Variants in SLCO4C1 observed in about 807,000 individuals in gnomAD.
SLCO4C1 encodes the protein organic anion transporter M1.
In SLCO4C1, 58 loss-of-function variants were observed where a neutral mutation model predicts 72.1. That is an observed-to-expected ratio of 0.80 (90% CI 0.65 to 1.00). The LOEUF is 1.00. Among genes scored for constraint, SLCO4C1 ranks in the 50% least tolerant of loss-of-function variants. SLCO4C1 has a pLI of 0.00. For missense variants in SLCO4C1, 898 were observed against 857.9 expected (o/e 1.05, Z -0.58); for synonymous variants, 297 against 312.5 (o/e 0.95, Z 0.52).
Position 102,291,372 on chromosome 5 carries a change from C to T in SLCO4C1, c.590G>A (p.Gly197Glu). The T allele has an allele frequency of 6.2e-7, 1 of 1,613,876 alleles. No homozygotes were observed. Among genetic ancestry groups the T allele is most frequent in the Non-Finnish European group, 8.5e-7 (1 of 1,179,958 alleles). The change falls in exon 2 of 13, where the codon GGA (glycine) becomes GAA (glutamate). Residue 197 changes from glycine to glutamate, a missense_variant. Coordinates refer to ENST00000310954, the MANE Select transcript of SLCO4C1 (RefSeq NM_180991.5). ...LVFSLPQFFS[G>E]EYKLGSLFED... is the part of the protein sequence containing the mutation. Reference sequence around the variant, plus strand: ...AAAAAGAGACCCCAATTTATATTCTCCACTGAAAAATTGTGGCAATGAGAA... The same window carrying T: ...AAAAAGAGACCCCAATTTATATTCTTCACTGAAAAATTGTGGCAATGAGAA...
intron 2 of SLCO4C1, among the ~76,000 whole-genome samples, chr5:102,280,121 A>G (rs778443338): frequency 6.7e-6 from 1 of 149,446 alleles, no homozygotes; most frequent in Non-Finnish European, 1.5e-5. Flanking sequence ...AAAAAAGAGA[A>G]AGAAAATTAG....
chr5:102,267,738 G>C (rs1274512107), intron 3 of SLCO4C1, among the ~76,000 whole-genome samples: 1 of 151,662 alleles, frequency 6.6e-6, no homozygotes, highest in Admixed American at 6.6e-5. Context: ...TTATGATGTA[G>C]GTGTTTATTG....
chr5:102,294,963 T>C (rs1337633439), intron 1 of SLCO4C1, among the ~76,000 whole-genome samples: 1 of 152,252 alleles, frequency 6.6e-6, no homozygotes, highest in Non-Finnish European at 1.5e-5. Flanking sequence ...TCTCGGACTA[T>C]GACTCAAGTG....
At chr5:102,291,920 C>G (rs1749564340) in intron 1 of SLCO4C1, among the ~76,000 whole-genome samples, 1 of 152,044 alleles carries the variant, frequency 6.6e-6, no homozygotes, top group African/African-American at 2.4e-5. Context: ...CTCCAGGGTT[C>G]AAGTGATTCT....
At chr5:102,265,695 C>CT (rs1749024266) in intron 3 of SLCO4C1, among the ~76,000 whole-genome samples, 1 of 152,098 alleles carries the variant, frequency 6.6e-6, no homozygotes, top group Non-Finnish European at 1.5e-5. Flanking sequence ...CAACACCATC[C>CT]TTTTTTGATT....
chr5:102,263,906 T>G, intron 3 of SLCO4C1, 126 bp from the exon 4 acceptor site: 1 of 655,986 alleles, frequency 1.5e-6, no homozygotes, highest in Non-Finnish European at 2.6e-6. Context: ...ATCACACATA[T>G]TTTCACTAAA....
intron 10 of SLCO4C1, among the ~76,000 whole-genome samples, chr5:102,242,137 G>A (rs996370211): frequency 4.6e-5 from 7 of 152,126 alleles, no homozygotes; most frequent in African/African-American, 1.7e-4. Flanking sequence ...CCCACAGAGG[G>A]AGTATTTAAA....
chr5:102,249,184 C>T (rs974684452), intron 9 of SLCO4C1, among the ~76,000 whole-genome samples: 2 of 151,814 alleles, frequency 1.3e-5, no homozygotes, highest in African/African-American at 4.8e-5. Flanking sequence ...CACTTACATG[C>T]GGATTTTTTT....
intron 1 of SLCO4C1, among the ~76,000 whole-genome samples, chr5:102,293,522 TTAAG>T (rs1447849555): frequency 6.6e-5 from 10 of 152,232 alleles, no homozygotes; most frequent in Non-Finnish European, 1.5e-4. Context: ...CATTAGAAAA[TTAAG>T]TACTTAGAGA....
intron 1 of SLCO4C1, among the ~76,000 whole-genome samples, chr5:102,291,935 C>G (rs1335927210): frequency 2.6e-5 from 4 of 152,212 alleles, no homozygotes; most frequent in African/African-American, 9.6e-5. Flanking sequence ...GATTCTCCTG[C>G]CTCAGGCTCT....
rs532141126 is a variant in SLCO4C1, at chr5:102,243,844, A to G, written c.1812-3062T>C. Among the ~76,000 whole-genome samples, 16 of 152,284 alleles carry G rather than the reference A, an allele frequency of 1.1e-4. No individual in the cohort carries two copies. In the East Asian group the frequency reaches 2.9e-3, roughly 28 times the overall value. ...GGAAACTCAAATAAATTCAAAAAACACAGAGAAGGAATTCAGAATTCTATC... is the reference window on the plus strand; with the variant it reads ...GGAAACTCAAATAAATTCAAAAAACGCAGAGAAGGAATTCAGAATTCTATC... On this transcript the variant is annotated intron_variant, in intron 10 of 12. Transcript: ENST00000310954.
At chr5:102,275,774 A>G (rs1007947889) in intron 2 of SLCO4C1, among the ~76,000 whole-genome samples, 1 of 152,224 alleles carries the variant, frequency 6.6e-6, no homozygotes, top group Admixed American at 6.5e-5. Flanking sequence ...AACATGATAA[A>G]GAATATTATC....
intron 3 of SLCO4C1, among the ~76,000 whole-genome samples, chr5:102,267,992 C>T (rs1157259808): frequency 1.3e-5 from 2 of 151,958 alleles, no homozygotes; most frequent in African/African-American, 4.8e-5. Flanking sequence ...TTTTTTGAGA[C>T]TTACTTTGTG....
chr5:102,255,909 A>T (rs1254769889), intron 8 of SLCO4C1, among the ~76,000 whole-genome samples: 1 of 152,208 alleles, frequency 6.6e-6, no homozygotes, highest in African/African-American at 2.4e-5. Flanking sequence ...ATGTTGAACA[A>T]ATGTAATGGA....
Position 102,291,573 on chromosome 5 carries a change from A to G in SLCO4C1, c.389T>C (p.Ile130Thr), listed in dbSNP as rs745752728. The change falls in exon 2 of 13, where the codon ATT becomes ACT. Residue 130 changes from isoleucine to threonine, a missense_variant. Physicochemically the swap from Ile to Thr is moderately conservative, Grantham distance 89. Transcript: ENST00000310954. The part of the protein sequence containing the change: ...IVVNGLVNIS[I>T]STVEKRYEMK... ...TTCATAACGCTTCTCAACAGTGGAA[A>G]TGCTAATATTTACTAGGCCATTAAC... The G allele has an allele frequency of 9.3e-6, 15 of 1,613,546 alleles. No homozygotes were observed. In the South Asian group the frequency reaches 1.4e-4, roughly 15 times the overall value.
chr5:102,295,144 T>C (rs1297780753), intron 1 of SLCO4C1, among the ~76,000 whole-genome samples: 1 of 152,172 alleles, frequency 6.6e-6, no homozygotes, highest in African/African-American at 2.4e-5. Context: ...GTGCCTTCTT[T>C]CAAGGGAGCT....
At chr5:102,254,671 A>G (rs62370439) in intron 8 of SLCO4C1, among the ~76,000 whole-genome samples, 8,330 of 152,244 alleles carry the variant, frequency 0.055, 390 homozygotes, top group Non-Finnish European at 0.074. Context: ...CTGAAGGCTC[A>G]GATGATTGTC....
chr5:102,290,585 C>T (rs900944765), intron 2 of SLCO4C1, among the ~76,000 whole-genome samples: 1 of 152,152 alleles, frequency 6.6e-6, no homozygotes, highest in African/African-American at 2.4e-5. Flanking sequence ...CTCCAATTAT[C>T]CTTTGTCTTT....
chr5:102,253,527 C>A (rs1260774500), intron 8 of SLCO4C1, among the ~76,000 whole-genome samples: 2 of 152,006 alleles, frequency 1.3e-5, no homozygotes, highest in African/African-American at 2.4e-5. Flanking sequence ...AAACTATTAG[C>A]CAGGCACAGT....
Sources: gnomAD v4.1 joint callset for allele counts (sites outside exome capture counted in the v4.1 genomes callset) on GRCh38, gnomAD v4.1.1 for gene constraint, MANE v1.5 for transcripts, NCBI Gene and HGNC (gene_info 2026-07-23, HGNC 2026-07-21) for gene names.